Variants in RABL3 observed in about 807,000 individuals in gnomAD.
The protein encoded by RABL3 is rab-like protein 3.
In RABL3, 31 loss-of-function variants were observed where a neutral mutation model predicts 31.8. The observed-to-expected ratio is 0.97, with a 90% CI of 0.73 to 1.31. The LOEUF (loss-of-function observed/expected upper bound fraction) is 1.31, where lower values mean the gene tolerates loss of function less well. Ranked by LOEUF, RABL3 falls within the 40% of genes most tolerant of loss-of-function variation. RABL3 has a pLI of 0.00. For missense variants in RABL3, 263 were observed against 279.6 expected (o/e 0.94, Z 0.42); for synonymous variants, 97 against 99.9 (o/e 0.97, Z 0.18).
chr3:120,699,615 CT>C (rs1318164686), intron 4 of RABL3, among the ~76,000 whole-genome samples: 2 of 152,146 alleles, frequency 1.3e-5, no homozygotes, highest in Non-Finnish European at 2.9e-5. Flanking sequence ...TCGAGCATAG[CT>C]TTTTTTCTTC....
chr3:120,723,273 C>T lies in RABL3; in HGVS notation c.138+7423G>A, dbSNP rs12631827. Among the ~76,000 whole-genome samples the T allele has an allele frequency of 8.4e-3, 1,281 of 152,186 alleles. 31 individuals carry two copies. The South Asian group carries it at 0.089, about 11-fold the overall frequency. On this transcript the variant is annotated intron_variant, in intron 2 of 7. Transcript: ENST00000273375. The stretch of plus-strand genomic sequence containing the variant: ...GAAGAAGTTGAACCTCTGAATAGAC[C>T]AATAACAGGCTAGGAAATTGGGGCA...
At chr3:120,723,823 C>T (rs1306180543) in intron 2 of RABL3, among the ~76,000 whole-genome samples, 3 of 151,980 alleles carry the variant, frequency 2.0e-5, no homozygotes, top group Admixed American at 2.0e-4. Flanking sequence ...CTATCTATGA[C>T]AAACCCACAG....
At chr3:120,736,681 T>C (rs1708970546) in intron 1 of RABL3, among the ~76,000 whole-genome samples, 1 of 152,246 alleles carries the variant, frequency 6.6e-6, no homozygotes, top group Non-Finnish European at 1.5e-5. Flanking sequence ...CAGTTGTTCC[T>C]TTCCATGTTT....
chr3:120,726,636 C>G (rs914491222), intron 2 of RABL3, among the ~76,000 whole-genome samples: 1 of 152,006 alleles, frequency 6.6e-6, no homozygotes, highest in Non-Finnish European at 1.5e-5. Flanking sequence ...CCCATCTACT[C>G]AGGAGGCTGA....
At chr3:120,694,114 A>T (rs762743418) in intron 6 of RABL3, 39 bp downstream of exon 6, 1 of 1,369,026 alleles carries the variant, frequency 7.3e-7, no homozygotes, top group Non-Finnish European at 1.0e-6. Context: ...CTCATAATAT[A>T]TAAATTAAGT....
intron 4 of RABL3, among the ~76,000 whole-genome samples, chr3:120,704,650 G>A (rs1708529257): frequency 6.6e-6 from 1 of 152,126 alleles, no homozygotes; most frequent in African/African-American, 2.4e-5. Context: ...GCATCCTAAG[G>A]ATTGTACTAA....
At chr3:120,728,193 A>C (rs1708844302) in intron 2 of RABL3, among the ~76,000 whole-genome samples, 1 of 152,160 alleles carries the variant, frequency 6.6e-6, no homozygotes, top group Non-Finnish European at 1.5e-5. Context: ...AGGGGCAGAA[A>C]ATTGGACTAA....
Position 120,709,713 on chromosome 3 carries a change from C to A in RABL3, c.268+67G>T, listed in dbSNP as rs755832785. 1.5e-5 allele frequency: 18 copies of A among 1,170,956 alleles called. No homozygotes were observed. The Admixed American group carries it at 1.7e-4, about 11-fold the overall frequency. 72.5% of individuals were successfully genotyped at this position (1,170,956 alleles called of 1,614,324 possible). On this transcript the variant is annotated intron_variant, in intron 3 of 7. Transcript: ENST00000273375. ...TTAAGATGAGTCTGGCATGCTATGG[C>A]ATTACATATCAGATGATCTATACTC...
chr3:120,694,434 A>G (rs1292596492), intron 5 of RABL3, among the ~76,000 whole-genome samples: 4 of 152,178 alleles, frequency 2.6e-5, no homozygotes, highest in African/African-American at 9.6e-5. Flanking sequence ...AATTTAAACA[A>G]TTTTAGAGTA....
At chr3:120,726,882 T>C (rs1708827918) in intron 2 of RABL3, among the ~76,000 whole-genome samples, 1 of 151,924 alleles carries the variant, frequency 6.6e-6, no homozygotes, top group Non-Finnish European at 1.5e-5. Flanking sequence ...CTGAAATCAA[T>C]CATTAAAAGA....
chr3:120,722,921 A>G (rs1386263589), intron 2 of RABL3, among the ~76,000 whole-genome samples: 4 of 139,240 alleles, frequency 2.9e-5, no homozygotes, highest in Admixed American at 1.4e-4. Context: ...TTCAAAAGCT[A>G]GCAGAAGGCA....
At chr3:120,704,926 C>T (rs976293654) in intron 4 of RABL3, among the ~76,000 whole-genome samples, 46 of 151,830 alleles carry the variant, frequency 3.0e-4, no homozygotes, top group Non-Finnish European at 4.9e-4. Context: ...CTTGGGAGGC[C>T]GAGGCACAAT....
At chr3:120,695,362 A>G (rs1490501078) in intron 5 of RABL3, among the ~76,000 whole-genome samples, 1 of 152,156 alleles carries the variant, frequency 6.6e-6, no homozygotes, top group Admixed American at 6.5e-5. Context: ...GCCAGCAAGC[A>G]ATAAATCAGA....
chr3:120,713,808 CT>C (rs61372023), intron 2 of RABL3, among the ~76,000 whole-genome samples: 7,685 of 121,580 alleles, frequency 0.063, 226 homozygotes, highest in African/African-American at 0.15. Context: ...TTGTCTGTAA[CT>C]TTTTTTTTTT....
At chr3:120,706,575 T>C (rs1194257070) in intron 3 of RABL3, among the ~76,000 whole-genome samples, 1 of 118,704 alleles carries the variant, frequency 8.4e-6, no homozygotes, top group Non-Finnish European at 2.1e-5. Flanking sequence ...AAAGTAATAT[T>C]AGGTAATGAA....
At chr3:120,723,614 T>C (rs1708777144) in intron 2 of RABL3, among the ~76,000 whole-genome samples, 1 of 152,192 alleles carries the variant, frequency 6.6e-6, no homozygotes, top group African/African-American at 2.4e-5. Flanking sequence ...TCAAGTGGGC[T>C]TCATCCCTGG....
At chr3:120,705,010 G>A (rs1559814315) in intron 4 of RABL3, among the ~76,000 whole-genome samples, 2 of 152,134 alleles carry the variant, frequency 1.3e-5, no homozygotes, top group Admixed American at 6.5e-5. Context: ...TGGCAACAGA[G>A]CAAGGCTCAG....
chr3:120,705,985 G>T lies in RABL3; in HGVS notation c.383+15C>A, dbSNP rs749633903. ...ATTGCTACAATCTTTCAAACCAATT[G>T]TGAAATTGGCTCACCCATTTGTCAC... On this transcript the variant is annotated intron_variant, in intron 4 of 7. Transcript: ENST00000273375. 7.0e-7 allele frequency: 1 copy of T among 1,434,412 alleles called. No individual in the cohort carries two copies. The allele number at this position is 1,434,412 out of a possible 1,614,324, so 88.9% of individuals were successfully genotyped here.
intron 1 of RABL3, among the ~76,000 whole-genome samples, chr3:120,737,370 C>A (rs906483024): frequency 6.6e-6 from 1 of 152,220 alleles, no homozygotes; most frequent in East Asian, 1.9e-4. Flanking sequence ...GTTTTCAGCT[C>A]CAACAGGTCA....
Sources: allele counts gnomAD v4.1 joint callset (sites outside exome capture counted in the v4.1 genomes callset), GRCh38; gene constraint gnomAD v4.1.1; transcripts MANE v1.5; gene names NCBI Gene and HGNC (gene_info 2026-07-23, HGNC 2026-07-21).